Variants in SHTN1 observed in about 807,000 individuals in gnomAD.
SHTN1 encodes the protein shootin 1, also known as shootin-1.
SHTN1 carries 42 observed loss-of-function variants against 83.1 expected under a neutral mutation model. That is an observed-to-expected ratio of 0.51 (90% CI 0.39 to 0.65). SHTN1 has a LOEUF of 0.65. SHTN1 is among the 30% of genes least tolerant of loss of function. SHTN1 has a pLI of 0.00. For missense variants in SHTN1, 622 were observed against 737.8 expected (o/e 0.84, Z 1.82); for synonymous variants, 224 against 247.7 (o/e 0.90, Z 0.90).
intron 1 of SHTN1, among the ~76,000 whole-genome samples, chr10:117,076,306 G>A (rs1853153094): frequency 6.6e-6 from 1 of 152,240 alleles, no homozygotes; most frequent in South Asian, 2.1e-4. Flanking sequence ...GTAGAAAGGA[G>A]TGGATTGATT....
chr10:116,970,481 C>T (rs1356559270), intron 2 of SHTN1, among the ~76,000 whole-genome samples: 1 of 152,074 alleles, frequency 6.6e-6, no homozygotes, highest in African/African-American at 2.4e-5. Flanking sequence ...TTTGGGAAGC[C>T]AAGGCAGGCG....
chr10:116,958,280 A>G (rs1158776270), intron 4 of SHTN1, among the ~76,000 whole-genome samples: 1 of 152,206 alleles, frequency 6.6e-6, no homozygotes, highest in Non-Finnish European at 1.5e-5. Context: ...CACATTTTGC[A>G]TTCAAAGCAG....
intron 1 of SHTN1, among the ~76,000 whole-genome samples, chr10:117,116,179 A>AG (rs1300007632): frequency 1.3e-5 from 2 of 151,714 alleles, no homozygotes; most frequent in African/African-American, 4.9e-5. Context: ...AGGTAGATTG[A>AG]GAAAAAAAAA....
chr10:116,963,217 G>A (rs548656317), intron 3 of SHTN1, among the ~76,000 whole-genome samples: 372 of 149,572 alleles, frequency 2.5e-3, no homozygotes, highest in Non-Finnish European at 3.5e-3. Flanking sequence ...GACTACAGGC[G>A]CCCGCCATCA....
At chr10:116,949,554 T>C (rs1849703698) in intron 6 of SHTN1, among the ~76,000 whole-genome samples, 1 of 152,226 alleles carries the variant, frequency 6.6e-6, no homozygotes, top group Non-Finnish European at 1.5e-5. Context: ...TTAGGAGATA[T>C]ACCTAATGTA....
At position 117,005,036 on chromosome 10, in the gene SHTN1, C is replaced by T. The variant is rs1851964600; in HGVS notation, c.44G>A (p.Ser15Asn). 1.3e-6 allele frequency: 2 copies of T among 1,598,090 alleles called. No homozygotes were observed. Among genetic ancestry groups the T allele is most frequent in the South Asian group, 1.1e-5 (1 of 87,946 alleles). ...DEEKQLQLIT[S>N]LKEQAIGEYE... Reference sequence around the variant, plus strand: ...GTGCTGCCTACCTTGCTCCTTCAGACTGGTAATGAGCTGCAGCTGCTTCTC... The same window carrying T: ...GTGCTGCCTACCTTGCTCCTTCAGATTGGTAATGAGCTGCAGCTGCTTCTC... Residue 15 changes from serine (S) to asparagine (N), a missense_variant, in exon 1 of 17, where the codon AGT becomes AAT. Ser to Asn is a conservative substitution (Grantham distance 46, BLOSUM62 1). Transcript: ENST00000355371.
chr10:116,994,095 GTAAT>G (rs1851543627), intron 1 of SHTN1, among the ~76,000 whole-genome samples: 1 of 152,138 alleles, frequency 6.6e-6, no homozygotes, highest in African/African-American at 2.4e-5. Context: ...ATTAATATAT[GTAAT>G]TAAGGCTACT....
chr10:116,990,287 C>CTTTTTTTTTTTTTTTTTTTTTTTTTTTTT (rs11399364), intron 1 of SHTN1, among the ~76,000 whole-genome samples: 2 of 119,918 alleles, frequency 1.7e-5, no homozygotes, highest in Non-Finnish European at 3.3e-5. Flanking sequence ...TTTTTTCTTT[C>CTTTTTTTTTTTTTTTTTTTTTTTTTTTTT]TTTTTTTTTT....
At chr10:117,063,464 A>T (rs1852930373) in intron 1 of SHTN1, among the ~76,000 whole-genome samples, 1 of 152,194 alleles carries the variant, frequency 6.6e-6, no homozygotes, top group African/African-American at 2.4e-5. Flanking sequence ...TAGTATTAAT[A>T]TCAGGTTATC....
At chr10:117,116,356 C>CCA (rs1853847602) in intron 1 of SHTN1, among the ~76,000 whole-genome samples, 1 of 152,018 alleles carries the variant, frequency 6.6e-6, no homozygotes, top group Admixed American at 6.6e-5. Flanking sequence ...CCTACCAAGA[C>CCA]TGAACCATGA....
At chr10:116,979,835 A>G (rs1850950553) in intron 1 of SHTN1, among the ~76,000 whole-genome samples, 1 of 152,226 alleles carries the variant, frequency 6.6e-6, no homozygotes, top group Admixed American at 6.5e-5. Context: ...AGCCTGTAGA[A>G]AGTAGAGTAG....
intron 1 of SHTN1, among the ~76,000 whole-genome samples, chr10:116,987,150 C>A (rs1325068943): frequency 2.0e-5 from 3 of 152,104 alleles, no homozygotes; most frequent in Admixed American, 6.5e-5. Flanking sequence ...TGGTGGAAGG[C>A]AAATACCCAA....
At chr10:117,073,844 C>T (rs11197883) in intron 1 of SHTN1, among the ~76,000 whole-genome samples, 220 of 152,288 alleles carry the variant, frequency 1.4e-3, no homozygotes, top group Admixed American at 3.1e-3. Context: ...TGCATCTTGT[C>T]ATGGTCCTTG....
At chr10:117,077,974 C>T (rs1564951452) in intron 1 of SHTN1, among the ~76,000 whole-genome samples, 3 of 152,162 alleles carry the variant, frequency 2.0e-5, no homozygotes, top group Admixed American at 6.6e-5. Context: ...TTTATTCTTA[C>T]CTTAATCGAA....
rs527665622 is a variant in SHTN1 at position 116,926,553 on chromosome 10, T to TA, written c.1112+1238dup. The stretch of plus-strand genomic sequence containing the variant: ...TCATACCCTACTCAGTAAGGAAAAC[T>TA]AATGAGAATCTTTTTAAAAGGCAAA... On this transcript the variant is annotated intron_variant, in intron 11 of 16. Coordinates refer to ENST00000355371, the MANE Select transcript of SHTN1 (RefSeq NM_001127211.3). Among the ~76,000 whole-genome samples the TA allele has an allele frequency of 5.9e-5, 9 of 152,334 alleles. No individual in the cohort carries two copies. In the South Asian group the frequency reaches 1.9e-3, roughly 32 times the overall value.
intron 7 of SHTN1, among the ~76,000 whole-genome samples, chr10:116,946,358 CA>C (rs910262344): frequency 4.2e-5 from 6 of 143,184 alleles, no homozygotes; most frequent in South Asian, 2.2e-4. Context: ...AATTTTCCAC[CA>C]AAAAAAGTAT....
rs1177803571 is a variant in SHTN1 at position 116,886,577 on chromosome 10, AAG to A, written c.1674-13_1674-12del. Reference sequence around the variant, plus strand: ...ATGCTACTGGGAGGCCTATGAGATGAAGAGTTAGACAAAAAAAGTAAAAAGCA... The same window carrying A: ...ATGCTACTGGGAGGCCTATGAGATGAAGTTAGACAAAAAAAGTAAAAAGCA... On this transcript the variant is annotated splice_polypyrimidine_tract_variant and intron_variant, in intron 16 of 16. Coordinates refer to ENST00000355371, the MANE Select transcript of SHTN1 (RefSeq NM_001127211.3). 1.4e-5 allele frequency: 23 copies of A among 1,613,286 alleles called. No individual in the cohort carries two copies. Among genetic ancestry groups the A allele is most frequent in the Non-Finnish European group, 1.9e-5 (22 of 1,179,554 alleles).
At chr10:116,914,396 C>T (rs1469928282) in intron 13 of SHTN1, among the ~76,000 whole-genome samples, 4 of 151,812 alleles carry the variant, frequency 2.6e-5, no homozygotes, top group Non-Finnish European at 4.4e-5. Flanking sequence ...CGCTTGAACA[C>T]GGGAGGCAGA....
At chr10:117,107,203 C>T (rs1399654678) in intron 1 of SHTN1, among the ~76,000 whole-genome samples, 1 of 152,158 alleles carries the variant, frequency 6.6e-6, no homozygotes, top group Non-Finnish European at 1.5e-5. Context: ...CATAGCAATC[C>T]TAAAATGTAG....
Sources: gnomAD v4.1 joint callset for allele counts (sites outside exome capture counted in the v4.1 genomes callset) on GRCh38, gnomAD v4.1.1 for gene constraint, MANE v1.5 for transcripts, NCBI Gene and HGNC (gene_info 2026-07-23, HGNC 2026-07-21) for gene names.